DNAH8: variants seen among roughly 807,000 people sequenced by gnomAD.
DNAH8 encodes dynein axonemal heavy chain 8, also known as axonemal beta dynein heavy chain 8.
A neutral mutation model predicts 562.1 loss-of-function variants in DNAH8; 382 were observed. That is an observed-to-expected ratio of 0.68 (90% confidence interval 0.63 to 0.74). The LOEUF is 0.74. Ranked by LOEUF, DNAH8 falls within the 30% of genes least tolerant of loss-of-function variation. The pLI is 0.00. For synonymous variants in DNAH8, 1,881 were observed against 1,919.4 expected (o/e 0.98, Z 0.52); for missense variants, 5,203 against 5,620.4 (o/e 0.93, Z 2.37).
In DNAH8 at chr6:38,822,958, A is replaced by G. The variant is rs762415827; in HGVS notation, c.3644A>G (p.Lys1215Arg). ...TCTTCCTCTGTAAATTCCCTAAGAA[A>G]GGCAGCTCATGAGGCCCTGCAGGAC... is the stretch of plus-strand genomic sequence containing the variant. ...LLSSSVNSLR[K>R]AAHEALQDFQ... The change falls in exon 27 of 93, where the codon AAG (lysine) becomes AGG (arginine). Residue 1215 changes from lysine to arginine, a missense_variant. Around this residue, in one of 6 missense-constraint regions of DNAH8, gnomAD observed 2,176 missense variants for 2,365.1 expected, o/e 0.92. Transcript: ENST00000327475. The G allele has an allele frequency of 3.7e-6, 6 of 1,613,506 alleles. No individual in the cohort carries two copies. The African/African-American group carries it at 6.7e-5, about 18-fold the overall frequency.
chr6:38,734,897 G>A (rs964440381), intron 5 of DNAH8, among the ~76,000 whole-genome samples: 1 of 152,134 alleles, frequency 6.6e-6, no homozygotes, highest in African/African-American at 2.4e-5. Context: ...CAAAGTATTA[G>A]TTACTTTATT....
In DNAH8 at chr6:38,845,649, C is replaced by A. The variant is rs773601504; in HGVS notation, c.4921C>A (p.Gln1641Lys). The change falls in exon 36 of 93, where the codon CAA (glutamine) becomes AAA (lysine). Residue 1641 changes from glutamine (Q) to lysine (K), a missense_variant. Gln to Lys is a moderately conservative substitution (Grantham distance 53). This residue lies in a region of DNAH8 where 2,176 missense variants were observed against 2,365.1 expected (regional missense o/e 0.92). Coordinates refer to ENST00000327475, the MANE Select transcript of DNAH8 (RefSeq NM_001206927.2). ...TCAGGTGATTGAGAATTGGACCAAC[C>A]AAAATCTGAGTTTTGCAGCATTTAA... ...LTQVIENWTN[Q>K]NLSFAAFKGK... The A allele has an allele frequency of 3.1e-6, 5 of 1,613,860 alleles. No individual in the cohort carries two copies. In the South Asian group the frequency reaches 5.5e-5, roughly 18 times the overall value.
At chr6:38,905,083 G>C (rs1780354890) in intron 62 of DNAH8, among the ~76,000 whole-genome samples, 1 of 152,126 alleles carries the variant, frequency 6.6e-6, no homozygotes. Context: ...TGGCTGATTA[G>C]TTCAGAGACT....
At chr6:38,828,699 G>T (rs998411559) in intron 30 of DNAH8, among the ~76,000 whole-genome samples, 1 of 152,206 alleles carries the variant, frequency 6.6e-6, no homozygotes, top group African/African-American at 2.4e-5. Flanking sequence ...ATCAAGCAAT[G>T]TGAGACTGTA....
chr6:38,931,567 T>C (rs887476025), intron 75 of DNAH8, among the ~76,000 whole-genome samples: 5 of 152,196 alleles, frequency 3.3e-5, no homozygotes, highest in Non-Finnish European at 7.4e-5. Context: ...TTGTTTTGGA[T>C]AACTTTTTCA....
intron 24 of DNAH8, among the ~76,000 whole-genome samples, chr6:38,810,003 T>C (rs1287952471): frequency 6.6e-6 from 1 of 152,242 alleles, no homozygotes; most frequent in Non-Finnish European, 1.5e-5. Context: ...CCTTTCTCTG[T>C]ACTTTTTAGT....
In DNAH8 at chr6:38,951,265, G is replaced by A. The variant is rs112780082; in HGVS notation, c.12249-53G>A. 7.1e-4 allele frequency: 1,056 copies of A among 1,476,986 alleles called. 7 individuals carry two copies. In the African/African-American group the frequency reaches 0.011, roughly 16 times the overall value. The allele number at this position is 1,476,986 out of a possible 1,614,324, so 91.5% of individuals were successfully genotyped here. On this transcript the variant is annotated intron_variant, in intron 81 of 92. Coordinates refer to ENST00000327475, the MANE Select transcript of DNAH8 (RefSeq NM_001206927.2). The stretch of plus-strand genomic sequence containing the variant: ...TGTATGTTTTTACTTACTCAGATAG[G>A]ATAAAAATTGAACACGTTTAGTTTA...
At chr6:38,944,850 TA>T (rs1251093931) in intron 79 of DNAH8, among the ~76,000 whole-genome samples, 1 of 152,144 alleles carries the variant, frequency 6.6e-6, no homozygotes, top group Non-Finnish European at 1.5e-5. Context: ...ACTCATCCAC[TA>T]AAAAACCCAT....
At chr6:38,900,342 A>C (rs945689489) in intron 62 of DNAH8, among the ~76,000 whole-genome samples, 1 of 152,218 alleles carries the variant, frequency 6.6e-6, no homozygotes. Context: ...ATGATCTTCA[A>C]CTTAATCAGA....
At chr6:38,926,345 C>T in intron 74 of DNAH8, 135 bp downstream of exon 74, 2 of 942,820 alleles carry the variant, frequency 2.1e-6, no homozygotes, top group South Asian at 3.5e-5. Context: ...AGTTTTGTAA[C>T]AGCAATTTGG....
At chr6:38,990,393 G>A (rs1764700862) in intron 88 of DNAH8, among the ~76,000 whole-genome samples, 1 of 152,136 alleles carries the variant, frequency 6.6e-6, no homozygotes, top group South Asian at 2.1e-4. Context: ...ACAACGTTAA[G>A]CTCTAATTTA....
intron 3 of DNAH8, among the ~76,000 whole-genome samples, 173 bp downstream of exon 3, chr6:38,723,644 G>T (rs1246387720): frequency 1.3e-5 from 2 of 152,162 alleles, no homozygotes; most frequent in African/African-American, 2.4e-5. Flanking sequence ...GGAGGCTGAG[G>T]TTTGGGGATT....
chr6:38,868,322 A>G lies in DNAH8; in HGVS notation c.6828+126A>G, dbSNP rs556100019. The G allele has an allele frequency of 4.3e-6, 4 of 921,024 alleles. No individual in the cohort carries two copies. In the African/African-American group the frequency reaches 6.7e-5, roughly 15 times the overall value. 57.1% of individuals were successfully genotyped at this position (921,024 alleles called of 1,614,324 possible). On this transcript the variant is annotated intron_variant, in intron 48 of 92. Transcript: ENST00000327475. ...TAATTACAGGGATAATAAGTGTGCA[A>G]AGCTACCACTGTGCTTCCAGAAGAA...
chr6:38,926,286 T>C, intron 74 of DNAH8, 76 bp downstream of exon 74: 3 of 1,501,932 alleles, frequency 2.0e-6, no homozygotes, highest in Non-Finnish European at 9.0e-7. Context: ...GAATCTGCAG[T>C]CATAAAGTTG....
Position 38,898,347 on chromosome 6 carries a change from G to GT in DNAH8, c.9036dup (p.Lys3013Ter), listed in dbSNP as rs1779840877. 1.3e-6 allele frequency: 2 copies of GT among 1,583,774 alleles called. No individual in the cohort carries two copies. The highest frequency in any genetic ancestry group is 1.4e-5 in the African/African-American group (1 of 72,906). ...TTAGAGGAACATCTCTTGATCTGGT[G>GT]TTTTTTAAAGATGCAATGACTCATC... is the stretch of plus-strand genomic sequence containing the variant. On this transcript the variant is annotated frameshift_variant, in exon 61 of 93. Coordinates refer to ENST00000327475, the MANE Select transcript of DNAH8 (RefSeq NM_001206927.2). LOFTEE classifies it high-confidence loss of function.
intron 91 of DNAH8, among the ~76,000 whole-genome samples, chr6:39,023,422 G>C (rs1009081261): frequency 2.6e-5 from 4 of 152,208 alleles, no homozygotes; most frequent in African/African-American, 7.2e-5. Context: ...GAACCCGGGA[G>C]GTGGAGCTTG....
At chr6:38,748,359 A>G (rs1326977767) in intron 8 of DNAH8, among the ~76,000 whole-genome samples, 1 of 152,200 alleles carries the variant, frequency 6.6e-6, no homozygotes, top group Non-Finnish European at 1.5e-5. Context: ...TTGGATGACA[A>G]TGTAAAGATC....
At chr6:38,780,527 C>T (rs1768479878) in intron 15 of DNAH8, among the ~76,000 whole-genome samples, 1 of 152,076 alleles carries the variant, frequency 6.6e-6, no homozygotes, top group African/African-American at 2.4e-5. Context: ...TGAATGAGAT[C>T]ATGTCCTTTG....
chr6:38,895,906 G>A lies in DNAH8; in HGVS notation c.8748-127G>A. 4.1e-6 allele frequency: 3 copies of A among 723,302 alleles called. No homozygotes were observed. The East Asian group carries it at 7.9e-5, about 19-fold the overall frequency. 44.8% of individuals were successfully genotyped at this position (723,302 alleles called of 1,614,324 possible). A position where few individuals can be genotyped will look rare whatever the true frequency, so the allele number is the denominator to read the frequency against. On this transcript the variant is annotated intron_variant, in intron 59 of 92. Coordinates refer to ENST00000327475, the MANE Select transcript of DNAH8 (RefSeq NM_001206927.2). The stretch of plus-strand genomic sequence containing the variant: ...GTTATGCCCTTCTTATCAAAAGGCA[G>A]AACATATTGTTTCCCTGTCCTGAAT...
Sources: allele counts gnomAD v4.1 joint callset (sites outside exome capture counted in the v4.1 genomes callset), GRCh38; gene constraint gnomAD v4.1.1; regional missense constraint gnomAD v4.1.1; transcripts MANE v1.5; gene names NCBI Gene and HGNC (gene_info 2026-07-23, HGNC 2026-07-21).